SEC24D: variants seen among roughly 807,000 people sequenced by gnomAD.
SEC24D encodes the protein protein transport protein Sec24D.
SEC24D carries 69 observed loss-of-function variants against 116.9 expected under a neutral mutation model. The ratio of observed to expected loss-of-function variants is 0.59; its 90% CI spans 0.49 to 0.72. The LOEUF is 0.72. Among genes scored for constraint, SEC24D ranks in the 30% least tolerant of loss-of-function variants. The pLI is 0.00. For synonymous variants in SEC24D, 405 were observed against 442.8 expected (o/e 0.91, Z 1.07); for missense variants, 1,131 against 1,264.1 (o/e 0.89, Z 1.60).
intron 2 of SEC24D, among the ~76,000 whole-genome samples, chr4:118,826,606 C>A (rs1048466988): frequency 2.7e-5 from 4 of 146,872 alleles, no homozygotes; most frequent in Non-Finnish European, 4.5e-5. Context: ...CGAAAATATT[C>A]TTTTTTTTTT....
Position 118,833,616 on chromosome 4 carries a change from C to CCCACAATG in SEC24D, c.80_81insCATTGTGG (p.His28IlefsTer17), listed in dbSNP as rs767661187. 6.2e-7 allele frequency: 1 copy of CCCACAATG among 1,613,892 alleles called. No individual in the cohort carries two copies. Among genetic ancestry groups the CCCACAATG allele is most frequent in the Non-Finnish European group, 8.5e-7 (1 of 1,179,856 alleles). ...CTGTGTGCGACGGATCCCCATAGTG[C>CCCACAATG]CCATAATGAGGTGGAGAAAGGCCTA... On this transcript the variant is annotated frameshift_variant, in exon 2 of 23. Coordinates refer to ENST00000280551, the MANE Select transcript of SEC24D (RefSeq NM_014822.4). LOFTEE classifies it high-confidence loss of function.
chr4:118,792,388 G>T (rs1297184289), intron 8 of SEC24D, among the ~76,000 whole-genome samples: 1 of 152,208 alleles, frequency 6.6e-6, no homozygotes, highest in African/African-American at 2.4e-5. Flanking sequence ...CCTTCTGGGA[G>T]GTGTACCCAA....
At chr4:118,790,291 C>T (rs896067723) in intron 8 of SEC24D, among the ~76,000 whole-genome samples, 2 of 152,118 alleles carry the variant, frequency 1.3e-5, no homozygotes, top group East Asian at 3.9e-4. Flanking sequence ...AAGCTTCTAC[C>T]ATCTGGTTTA....
At chr4:118,794,172 T>C (rs1436298830) in intron 8 of SEC24D, among the ~76,000 whole-genome samples, 1 of 152,228 alleles carries the variant, frequency 6.6e-6, no homozygotes, top group Non-Finnish European at 1.5e-5. Flanking sequence ...ATGCATTTTT[T>C]AGGAGGCTTA....
At chr4:118,830,047 T>A (rs1278587404) in intron 2 of SEC24D, among the ~76,000 whole-genome samples, 1 of 152,210 alleles carries the variant, frequency 6.6e-6, no homozygotes, top group Admixed American at 6.5e-5. Flanking sequence ...GATTAAGGTA[T>A]CTAAGGTTAT....
At chr4:118,736,657 G>C (rs763642783) in intron 19 of SEC24D, 60 of 191,912 alleles carry the variant, frequency 3.1e-4, no homozygotes, top group African/African-American at 1.2e-3. Context: ...TACTGTTTTA[G>C]AATCTCCACA....
At chr4:118,792,372 G>A (rs531142157) in intron 8 of SEC24D, among the ~76,000 whole-genome samples, 12 of 152,314 alleles carry the variant, frequency 7.9e-5, no homozygotes, top group African/African-American at 2.4e-4. Context: ...CTGCCCGGCC[G>A]CCACCCCTTC....
chr4:118,792,343 T>C (rs1728962787), intron 8 of SEC24D, among the ~76,000 whole-genome samples: 1 of 151,976 alleles, frequency 6.6e-6, no homozygotes, highest in South Asian at 2.1e-4. Context: ...CCACCCTGTC[T>C]AGGAAGTGAG....
chr4:118,751,407 A>T (rs1201495725), intron 13 of SEC24D, among the ~76,000 whole-genome samples: 1 of 152,020 alleles, frequency 6.6e-6, no homozygotes, highest in Non-Finnish European at 1.5e-5. Flanking sequence ...CAAACTCCCA[A>T]TTTCAGGTGG....
At chr4:118,827,283 CTGA>C (rs1730628321) in intron 2 of SEC24D, among the ~76,000 whole-genome samples, 2 of 152,272 alleles carry the variant, frequency 1.3e-5, no homozygotes, top group African/African-American at 4.8e-5. Context: ...GTCAGTATCA[CTGA>C]TATCTGCAAA....
rs370242171 is a variant in SEC24D at position 118,732,701 on chromosome 4, C to T, written c.2676+32G>A. ...CAAAATATGATTCCCTTCCAGCCTC[C>T]TCTGGGAAATGCACCACCCCAGCAT... On this transcript the variant is annotated intron_variant, in intron 20 of 22. Coordinates refer to ENST00000280551, the MANE Select transcript of SEC24D (RefSeq NM_014822.4). 38 of 1,601,798 alleles carry T rather than the reference C, an allele frequency of 2.4e-5. No individual in the cohort carries two copies. The Admixed American group carries it at 3.4e-4, about 14-fold the overall frequency.
chr4:118,765,481 T>C (rs375952895), intron 9 of SEC24D, among the ~76,000 whole-genome samples: 12 of 152,334 alleles, frequency 7.9e-5, no homozygotes, highest in African/African-American at 2.9e-4. Flanking sequence ...GATTCAAATG[T>C]CTAAGAAGGT....
intron 13 of SEC24D, among the ~76,000 whole-genome samples, chr4:118,751,176 C>CTTTTTTTTTTTT (rs1185148886): frequency 0.013 from 1,345 of 100,256 alleles, 107 homozygotes; most frequent in East Asian, 0.028. Context: ...AGAGTGAGGG[C>CTTTTTTTTTTTT]TTTTTTTTTT....
chr4:118,778,659 G>A (rs1034547584), intron 8 of SEC24D, among the ~76,000 whole-genome samples: 4 of 152,184 alleles, frequency 2.6e-5, no homozygotes, highest in African/African-American at 9.7e-5. Flanking sequence ...GTAGCTTGAC[G>A]AGGATGGCAC....
At chr4:118,773,234 C>G (rs1433446995) in intron 8 of SEC24D, among the ~76,000 whole-genome samples, 2 of 151,530 alleles carry the variant, frequency 1.3e-5, no homozygotes, top group Admixed American at 1.3e-4. Flanking sequence ...CACCAATATT[C>G]TACTTTACAA....
chr4:118,808,310 A>C (rs190104950), intron 6 of SEC24D, among the ~76,000 whole-genome samples: 14 of 152,302 alleles, frequency 9.2e-5, no homozygotes, highest in Admixed American at 7.8e-4. Context: ...TTCAACCAAC[A>C]AAGAGTCAAA....
chr4:118,736,531 AT>A (rs1725968205), intron 19 of SEC24D: 1 of 301,588 alleles, frequency 3.3e-6, no homozygotes, highest in Non-Finnish European at 6.4e-6. Flanking sequence ...TCCTTTAGGA[AT>A]CTCTCCATCT....
In SEC24D at chr4:118,752,870, C is replaced by T. The variant is rs116723900; in HGVS notation, c.1440G>A (p.Thr480=). 1,448 of 1,578,268 alleles carry T rather than the reference C, an allele frequency of 9.2e-4. 8 individuals are homozygous for T. The African/African-American group carries it at 0.017, about 18-fold the overall frequency. The change falls in exon 12 of 23, where the codon ACG becomes ACA. Residue 480 remains threonine (T), a synonymous_variant. Coordinates refer to ENST00000280551, the MANE Select transcript of SEC24D (RefSeq NM_014822.4). ...TGATAAAACCCACTCGAATTGCAGA[C>T]GTCTCTTCTTGCTCTTCCCTGTAAG... is the stretch of plus-strand genomic sequence containing the variant. The part of the protein sequence containing the change: ...EKIPKEEQEE[T]SAIRVGFITY...
intron 22 of SEC24D, among the ~76,000 whole-genome samples, chr4:118,724,031 TTC>T (rs1225946776): frequency 5.3e-5 from 8 of 152,242 alleles, no homozygotes; most frequent in Admixed American, 1.3e-4. Flanking sequence ...TATCACAGGC[TTC>T]TTCTAAAAGG....
Sources: gnomAD v4.1 joint callset for allele counts (sites outside exome capture counted in the v4.1 genomes callset) on GRCh38, gnomAD v4.1.1 for gene constraint, MANE v1.5 for transcripts, NCBI Gene and HGNC (gene_info 2026-07-23, HGNC 2026-07-21) for gene names.